The following HEATR5B variants were observed in gnomAD, a reference collection of about 807,000 sequenced individuals.
The protein encoded by HEATR5B is HEAT repeat-containing protein 5B.
HEATR5B carries 156 observed loss-of-function variants against 224.1 expected under a neutral mutation model. That is an observed-to-expected ratio of 0.70 (90% CI 0.61 to 0.80). HEATR5B has a LOEUF of 0.80. HEATR5B is among the 30% of genes least tolerant of loss of function. The probability of loss-of-function intolerance (pLI) is 0.00; values close to 1 mark genes in which losing one functional copy is unlikely to be tolerated. For missense variants in HEATR5B, 2,323 were observed against 2,535.5 expected (o/e 0.92, Z 1.80); for synonymous variants, 1,027 against 893.0 (o/e 1.15, Z -2.68).
intron 16 of HEATR5B, chr2:37,054,980 C>T: frequency 4.5e-6 from 1 of 223,456 alleles, no homozygotes; most frequent in Non-Finnish European, 9.6e-6. Flanking sequence ...GGTCTCAGGT[C>T]AAAGCATTAT....
At chr2:37,020,013 C>G (rs1001664224) in intron 25 of HEATR5B, 136 bp from the exon 26 acceptor site, 10 of 573,200 alleles carry the variant, frequency 1.7e-5, no homozygotes, top group South Asian at 1.5e-4. Context: ...AAGCGATTCT[C>G]CTCCCTCAGC....
intron 8 of HEATR5B, 67 bp downstream of exon 8, chr2:37,068,614 A>G: frequency 6.6e-7 from 1 of 1,513,036 alleles, no homozygotes; most frequent in South Asian, 1.2e-5. Context: ...ATGGATATTT[A>G]TTAAGAATCA....
intron 5 of HEATR5B, 52 bp from the exon 6 acceptor site, chr2:37,072,333 A>G: frequency 7.6e-7 from 1 of 1,315,810 alleles, no homozygotes; most frequent in South Asian, 1.3e-5. Context: ...CTGCTTCCAG[A>G]GATGGAATAG....
At chr2:37,038,208 C>T (rs968603279) in intron 20 of HEATR5B, among the ~76,000 whole-genome samples, 184 bp from the exon 21 acceptor site, 28 of 152,068 alleles carry the variant, frequency 1.8e-4, no homozygotes, top group African/African-American at 6.3e-4. Context: ...GGCGCGATCT[C>T]GGCTCACTGC....
intron 12 of HEATR5B, among the ~76,000 whole-genome samples, chr2:37,060,355 T>C (rs895822546): frequency 6.6e-6 from 1 of 152,170 alleles, no homozygotes; most frequent in Non-Finnish European, 1.5e-5. Context: ...CTAGTTCCTG[T>C]CTAACCACCA....
chr2:37,041,752 ATAATAT>A (rs1669885839), intron 18 of HEATR5B, among the ~76,000 whole-genome samples: 1 of 145,782 alleles, frequency 6.9e-6, no homozygotes, highest in East Asian at 2.5e-4. Context: ...CTCAATAATA[ATAATAT>A]TAATAATAAT....
chr2:37,070,409 G>A (rs766593398), intron 6 of HEATR5B, 22 bp from the exon 7 acceptor site: 3 of 1,598,924 alleles, frequency 1.9e-6, no homozygotes, highest in African/African-American at 2.7e-5. Flanking sequence ...AAAAATTAAA[G>A]TATAAGCAAA....
At chr2:37,011,208 C>A (rs566094334) in intron 27 of HEATR5B, among the ~76,000 whole-genome samples, 2 of 152,214 alleles carry the variant, frequency 1.3e-5, no homozygotes, top group African/African-American at 4.8e-5. Context: ...AAAGGTGAGA[C>A]CGTTTTTAAG....
At chr2:37,014,141 C>G in intron 26 of HEATR5B, 121 bp from the exon 27 acceptor site, 1 of 497,442 alleles carries the variant, frequency 2.0e-6, no homozygotes, top group South Asian at 3.7e-5. Flanking sequence ...ACAAAATAAA[C>G]TACCCAATGC....
chr2:37,037,097 C>A (rs1036507694), intron 21 of HEATR5B, among the ~76,000 whole-genome samples: 1 of 136,884 alleles, frequency 7.3e-6, no homozygotes, highest in Non-Finnish European at 1.6e-5. Context: ...TCAGAAGTAT[C>A]AATCAAGCTT....
chr2:36,984,211 A>ATAT (rs1363240752), intron 35 of HEATR5B, among the ~76,000 whole-genome samples: 2 of 88,636 alleles, frequency 2.3e-5, no homozygotes, highest in African/African-American at 8.7e-5. Context: ...AAAAAAAAAA[A>ATAT]AAAAATATAT....
chr2:37,056,550 G>A lies in HEATR5B; in HGVS notation c.2289C>T (p.Arg763=). 6.2e-7 allele frequency: 1 copy of A among 1,613,488 alleles called. No individual in the cohort carries two copies. Among genetic ancestry groups the A allele is most frequent in the African/African-American group, 1.3e-5 (1 of 75,006 alleles). The change falls in exon 16 of 36, where the codon CGC becomes CGT. Residue 763 remains arginine, a synonymous_variant. Transcript: ENST00000233099. ...LEHDPSSIYL[R]IPAGEAVPGP... is the part of the protein sequence containing the mutation. Reference sequence around the variant, plus strand: ...CAGGTACTGCTTCTCCAGCAGGTATGCGTAAATAAATAGAGGAAGGATCAT... The same window carrying A: ...CAGGTACTGCTTCTCCAGCAGGTATACGTAAATAAATAGAGGAAGGATCAT...
Position 37,057,313 on chromosome 2 carries a change from T to G in HEATR5B, c.2223+4A>C. 8.2e-6 allele frequency: 13 copies of G among 1,593,850 alleles called. No individual in the cohort carries two copies. The highest frequency in any genetic ancestry group is 8.5e-6 in the Non-Finnish European group (10 of 1,171,402). On this transcript the variant is annotated splice_donor_region_variant and intron_variant, in intron 15 of 35. Coordinates refer to ENST00000233099, the MANE Select transcript of HEATR5B (RefSeq NM_019024.3). ...AGTATTTCATTTTCCTCTATGTTTA[T>G]TACCTGGTCTTCAATTGATTTATGA...
chr2:37,047,186 A>T (rs28384293), intron 18 of HEATR5B, among the ~76,000 whole-genome samples: 16,192 of 151,926 alleles, frequency 0.11, 1,091 homozygotes, highest in East Asian at 0.19. Context: ...TCAAAAAAAA[A>T]AAATAAATAA....
chr2:37,044,631 G>A (rs1291043626), intron 18 of HEATR5B, among the ~76,000 whole-genome samples: 2 of 152,154 alleles, frequency 1.3e-5, no homozygotes, highest in Non-Finnish European at 2.9e-5. Flanking sequence ...ACCTAGAAGT[G>A]GAACTGGTAG....
At chr2:37,023,035 C>T (rs182118322) in intron 24 of HEATR5B, among the ~76,000 whole-genome samples, 2 of 151,700 alleles carry the variant, frequency 1.3e-5, no homozygotes, top group African/African-American at 4.8e-5. Flanking sequence ...AGACAGGGAA[C>T]TTTAAATAGC....
rs548183825 is a variant in HEATR5B at position 37,034,853 on chromosome 2, C to A, written c.3217-2080G>T. On this transcript the variant is annotated intron_variant, in intron 21 of 35. Transcript: ENST00000233099. ...GATTACAGGTGTGAGCCACCGCACCCAGCCAACAAAGTACTTTATTTATTC... is the reference window on the plus strand; with the variant it reads ...GATTACAGGTGTGAGCCACCGCACCAAGCCAACAAAGTACTTTATTTATTC... Among the ~76,000 whole-genome samples, 3 of 152,192 alleles carry A rather than the reference C, an allele frequency of 2.0e-5. No homozygotes were observed. In the South Asian group the frequency reaches 6.2e-4, roughly 32 times the overall value.
At chr2:36,992,089 T>C (rs1480605796) in intron 33 of HEATR5B, among the ~76,000 whole-genome samples, 1 of 152,036 alleles carries the variant, frequency 6.6e-6, no homozygotes, top group Non-Finnish European at 1.5e-5. Flanking sequence ...TCCCAGCTAT[T>C]TGGGAGGCTG....
intron 32 of HEATR5B, among the ~76,000 whole-genome samples, chr2:37,001,130 A>C (rs940056761): frequency 2.6e-5 from 4 of 152,232 alleles, no homozygotes; most frequent in Non-Finnish European, 4.4e-5. Flanking sequence ...ACAGAAAAAC[A>C]GGAAAAAACC....
Sources: gnomAD v4.1 joint callset for allele counts (sites outside exome capture counted in the v4.1 genomes callset) on GRCh38, gnomAD v4.1.1 for gene constraint, MANE v1.5 for transcripts, NCBI Gene and HGNC (gene_info 2026-07-23, HGNC 2026-07-21) for gene names.